Variants in MAP3K5 observed in about 807,000 individuals in gnomAD.
MAP3K5 encodes ASK-1.
In MAP3K5, 56 loss-of-function variants were observed where a neutral mutation model predicts 158.7. The observed-to-expected ratio is 0.35, with a 90% CI of 0.28 to 0.44. The LOEUF is 0.44. Ranked by LOEUF, MAP3K5 falls within the 20% of genes least tolerant of loss-of-function variation. MAP3K5 has a pLI of 1.00. For synonymous variants in MAP3K5, 579 were observed against 601.7 expected (o/e 0.96, Z 0.55); for missense variants, 1,294 against 1,674.8 (o/e 0.77, Z 3.97).
At chr6:136,656,102 A>T in intron 10 of MAP3K5, 1 of 529,418 alleles carries the variant, frequency 1.9e-6, no homozygotes, top group Non-Finnish European at 3.4e-6. Context: ...TGGCAAAAAC[A>T]TAAAAATAGA....
chr6:136,561,443 C>A, intron 28 of MAP3K5, 90 bp downstream of exon 28: 1 of 918,202 alleles, frequency 1.1e-6, no homozygotes, highest in South Asian at 1.4e-5. Context: ...ATTTGCTCAC[C>A]AGTGTATCCC....
At chr6:136,605,493 T>C (rs1776062837) in intron 18 of MAP3K5, 127 bp from the exon 19 acceptor site, 1 of 769,902 alleles carries the variant, frequency 1.3e-6, no homozygotes, top group East Asian at 2.8e-5. Context: ...AGTCCTAATA[T>C]CGTTTGTGAG....
At chr6:136,594,253 C>A (rs1420733273) in intron 21 of MAP3K5, among the ~76,000 whole-genome samples, 1 of 152,174 alleles carries the variant, frequency 6.6e-6, no homozygotes, top group Non-Finnish European at 1.5e-5. Flanking sequence ...GGCAGTGCTG[C>A]TACAGCAGAA....
chr6:136,774,665 A>C (rs1196580450), intron 1 of MAP3K5, among the ~76,000 whole-genome samples: 1 of 152,210 alleles, frequency 6.6e-6, no homozygotes, highest in Non-Finnish European at 1.5e-5. Context: ...GATCTTTGTC[A>C]TTAACTCACA....
At chr6:136,691,948 G>A (rs1270329805) in intron 7 of MAP3K5, among the ~76,000 whole-genome samples, 1 of 151,774 alleles carries the variant, frequency 6.6e-6, no homozygotes, top group Non-Finnish European at 1.5e-5. Flanking sequence ...TCCTTGTCTG[G>A]TAATTCTAAA....
chr6:136,730,754 A>G (rs1410714076), intron 1 of MAP3K5, among the ~76,000 whole-genome samples: 1 of 149,950 alleles, frequency 6.7e-6, no homozygotes, highest in East Asian at 2.0e-4. Context: ...GAGTCACAGC[A>G]ATGGGTGACC....
At chr6:136,659,094 C>T (rs750969822) in intron 9 of MAP3K5, 125 bp downstream of exon 9, 6 of 867,168 alleles carry the variant, frequency 6.9e-6, no homozygotes, top group Non-Finnish European at 1.0e-5. Flanking sequence ...CACAATTTTC[C>T]TCTATATTCT....
At chr6:136,769,912 G>A (rs1784130887) in intron 1 of MAP3K5, among the ~76,000 whole-genome samples, 1 of 148,894 alleles carries the variant, frequency 6.7e-6, no homozygotes, top group Admixed American at 6.7e-5. Flanking sequence ...AAGGGAGGGA[G>A]GGAAGGAGGA....
At chr6:136,581,511 G>A (rs115588961) in intron 24 of MAP3K5, among the ~76,000 whole-genome samples, 240 of 152,278 alleles carry the variant, frequency 1.6e-3, no homozygotes, top group African/African-American at 5.6e-3. Context: ...TATGATTATG[G>A]AAGTATAATT....
intron 7 of MAP3K5, among the ~76,000 whole-genome samples, chr6:136,690,915 T>G (rs1165588717): frequency 6.6e-6 from 1 of 152,220 alleles, no homozygotes; most frequent in African/African-American, 2.4e-5. Context: ...TTGATGTATC[T>G]AGAATTGTCT....
At chr6:136,616,525 G>A (rs1283306182) in intron 15 of MAP3K5, among the ~76,000 whole-genome samples, 4 of 151,390 alleles carry the variant, frequency 2.6e-5, no homozygotes, top group Admixed American at 1.3e-4. Flanking sequence ...GGCTAGTCTC[G>A]AACTCCTGAC....
At chr6:136,582,263 CGTGT>C (rs61451347) in intron 24 of MAP3K5, among the ~76,000 whole-genome samples, 29,027 of 137,728 alleles carry the variant, frequency 0.21, 2,908 homozygotes, top group African/African-American at 0.24. Context: ...TGTGTGTATA[CGTGT>C]GTGTGTGTGT....
At chr6:136,673,824 G>A (rs770533423) in intron 7 of MAP3K5, among the ~76,000 whole-genome samples, 3 of 151,610 alleles carry the variant, frequency 2.0e-5, no homozygotes, top group Non-Finnish European at 4.4e-5. Flanking sequence ...AGAGAAGAAA[G>A]AGAATATGGA....
At chr6:136,669,004 G>A (rs1779352531) in intron 8 of MAP3K5, among the ~76,000 whole-genome samples, 1 of 152,168 alleles carries the variant, frequency 6.6e-6, no homozygotes, top group Admixed American at 6.5e-5. Flanking sequence ...GGGGTTGAAT[G>A]CAGAACCCAT....
At chr6:136,790,579 T>C (rs1785033926) in intron 1 of MAP3K5, among the ~76,000 whole-genome samples, 1 of 152,232 alleles carries the variant, frequency 6.6e-6, no homozygotes, top group Non-Finnish European at 1.5e-5. Flanking sequence ...GTCTTGTTGT[T>C]CTCAAAATAT....
At chr6:136,754,227 T>C (rs9389435) in intron 1 of MAP3K5, among the ~76,000 whole-genome samples, 78,616 of 150,780 alleles carry the variant, frequency 0.52, 20,688 homozygotes, top group African/African-American at 0.59. Context: ...GAGCCAAGAT[T>C]GTGCCACTGC....
At chr6:136,753,388 C>T (rs762858131) in intron 1 of MAP3K5, among the ~76,000 whole-genome samples, 6 of 152,044 alleles carry the variant, frequency 3.9e-5, no homozygotes, top group Non-Finnish European at 7.4e-5. Context: ...TTTTTTGGTA[C>T]AGCATGCAGA....
chr6:136,579,740 T>C (rs1774784065), intron 25 of MAP3K5: 5 of 450,820 alleles, frequency 1.1e-5, no homozygotes, highest in South Asian at 7.8e-5. Flanking sequence ...CTAAGGGGTA[T>C]GTGCAAAATC....
intron 1 of MAP3K5, among the ~76,000 whole-genome samples, chr6:136,789,170 C>T (rs1363057174): frequency 1.3e-5 from 2 of 152,040 alleles, no homozygotes; most frequent in Admixed American, 6.6e-5. Context: ...ATTAGCCCAG[C>T]GTGGTGGCTC....
Sources: gnomAD v4.1 joint callset for allele counts (sites outside exome capture counted in the v4.1 genomes callset) on GRCh38, gnomAD v4.1.1 for gene constraint, MANE v1.5 for transcripts, NCBI Gene and HGNC (gene_info 2026-07-23, HGNC 2026-07-21) for gene names.